The following DNM1L variants were observed in gnomAD, a reference collection of about 807,000 sequenced individuals.
The protein encoded by DNM1L is dynamin 1L.
Under a neutral mutation model 92.8 loss-of-function variants are expected in DNM1L, and 33 were observed. That is an observed-to-expected ratio of 0.36 (90% CI 0.27 to 0.48). The LOEUF is 0.48. DNM1L is among the 20% of genes least tolerant of loss of function. DNM1L has a pLI of 0.99. For missense variants in DNM1L, 485 were observed against 888.8 expected (o/e 0.55, Z 5.78); for synonymous variants, 284 against 305.0 (o/e 0.93, Z 0.72).
At chr12:32,718,028 A>G (rs1209813871) in intron 6 of DNM1L, among the ~76,000 whole-genome samples, 3 of 125,248 alleles carry the variant, frequency 2.4e-5, no homozygotes, top group Non-Finnish European at 3.2e-5. Flanking sequence ...TATATTATAA[A>G]TATATACTAT....
intron 5 of DNM1L, among the ~76,000 whole-genome samples, chr12:32,712,127 T>A (rs980190232): frequency 7.9e-5 from 12 of 152,242 alleles, no homozygotes; most frequent in Admixed American, 5.9e-4. Flanking sequence ...CCTTGTGATC[T>A]CATCTTAGTA....
intron 9 of DNM1L, among the ~76,000 whole-genome samples, chr12:32,724,590 AAAAATATATATAT>A (rs1158906357): frequency 6.9e-5 from 4 of 58,210 alleles, no homozygotes; most frequent in East Asian, 5.4e-4. Context: ...AAAAAAAAAA[AAAAATATATATAT>A]ATATATATAT....
Position 32,707,401 on chromosome 12 carries a change from C to T in DNM1L, c.285C>T (p.His95=), listed in dbSNP as rs374173514. ...CAGAAGAATGGGGTAAATTTCTTCA[C>T]ACCAAAAATAAGGTAATCACACATG... ...VEAEEWGKFL[H]TKNKLYTDFD... Residue 95 remains histidine, a synonymous_variant, in exon 3 of 20, where the codon CAC becomes CAT. Transcript: ENST00000549701. 40 of 1,603,612 alleles carry T rather than the reference C, an allele frequency of 2.5e-5. No individual in the cohort carries two copies. In the African/African-American group the frequency reaches 5.0e-4, roughly 20 times the overall value.
intron 9 of DNM1L, among the ~76,000 whole-genome samples, chr12:32,729,342 A>G (rs1954386482): frequency 6.6e-6 from 1 of 151,850 alleles, no homozygotes; most frequent in South Asian, 2.1e-4. Flanking sequence ...CGGCCTCCCA[A>G]AGTGCTGGGA....
chr12:32,734,855 T>C (rs79341813), intron 13 of DNM1L, among the ~76,000 whole-genome samples: 1,553 of 152,292 alleles, frequency 0.01, 34 homozygotes, highest in African/African-American at 0.034. Context: ...CAGTTATTCC[T>C]TTGGTGCTTA....
rs17541634 is a variant in DNM1L at position 32,745,309 on chromosome 12, C to T, written c.*1899C>T. The T allele has an allele frequency of 0.022, 4,935 of 220,226 alleles. 77 individuals are homozygous for T. Among genetic ancestry groups the T allele is most frequent in the South Asian group, 0.028 (424 of 15,168 alleles). The allele number at this position is 220,226 out of a possible 1,614,324, so 13.6% of individuals were successfully genotyped here. A position where few individuals can be genotyped will look rare whatever the true frequency, so the allele number is the denominator to read the frequency against. On this transcript the variant is annotated 3_prime_UTR_variant, in exon 20 of 20. Transcript: ENST00000549701. ...GAAAAAAAACAAAAACAAAAACTTA[C>T]GATGCACTTTTCTCCAGCACATCAG...
At chr12:32,706,986 A>G (rs1952953373) in intron 2 of DNM1L, 1 of 216,278 alleles carries the variant, frequency 4.6e-6, no homozygotes, top group Non-Finnish European at 9.2e-6. Context: ...TTTTCGTCAG[A>G]AAACTGCTTT....
chr12:32,717,418 A>ATAGTATATAT (rs1953499292), intron 6 of DNM1L, among the ~76,000 whole-genome samples: 7 of 42,418 alleles, frequency 1.7e-4, no homozygotes, highest in African/African-American at 2.4e-4. Flanking sequence ...TATATATTTT[A>ATAGTATATAT]AATATATACT....
At chr12:32,681,259 T>C (rs1181617515) in intron 1 of DNM1L, among the ~76,000 whole-genome samples, 2 of 152,196 alleles carry the variant, frequency 1.3e-5, no homozygotes, top group Non-Finnish European at 1.5e-5. Flanking sequence ...TAAGTTCTTA[T>C]TAGCTGATAA....
chr12:32,696,681 A>C (rs1229039662), intron 1 of DNM1L, among the ~76,000 whole-genome samples: 1 of 148,892 alleles, frequency 6.7e-6, no homozygotes, highest in Non-Finnish European at 1.5e-5. Context: ...ATGGCGTGCA[A>C]TGGCGTGATC....
intron 12 of DNM1L, chr12:32,733,371 AT>A: frequency 4.0e-6 from 1 of 247,512 alleles, no homozygotes; most frequent in South Asian, 5.4e-5. Context: ...ATAGTGGATG[AT>A]CTGAAGTTTT....
intron 1 of DNM1L, among the ~76,000 whole-genome samples, chr12:32,698,773 G>A (rs992905228): frequency 6.6e-6 from 1 of 152,076 alleles, no homozygotes; most frequent in South Asian, 2.1e-4. Context: ...GGTTTATATA[G>A]TACTTGATTA....
rs1423778983 is a variant in DNM1L, at chr12:32,738,077, A to G, written c.1674+135A>G. The G allele has an allele frequency of 5.5e-6, 6 of 1,086,260 alleles. No individual in the cohort carries two copies. The African/African-American group carries it at 6.4e-5, about 12-fold the overall frequency. 67.3% of individuals were successfully genotyped at this position (1,086,260 alleles called of 1,614,324 possible). A position where few individuals can be genotyped will look rare whatever the true frequency, so the allele number is the denominator to read the frequency against. Reference sequence around the variant, plus strand: ...AGGTCAGATCACTTTAGTCTAATATATATTTTAAAATTATATAACAATGCA... The same window carrying G: ...AGGTCAGATCACTTTAGTCTAATATGTATTTTAAAATTATATAACAATGCA... On this transcript the variant is annotated intron_variant, in intron 15 of 19. Transcript: ENST00000549701.
At chr12:32,691,730 G>A (rs576267613) in intron 1 of DNM1L, among the ~76,000 whole-genome samples, 21 of 149,866 alleles carry the variant, frequency 1.4e-4, no homozygotes, top group African/African-American at 5.0e-4. Flanking sequence ...AGAGATTGAA[G>A]GTGAGTGCTA....
intron 9 of DNM1L, among the ~76,000 whole-genome samples, chr12:32,724,366 G>A (rs1343446753): frequency 2.0e-5 from 3 of 151,392 alleles, no homozygotes; most frequent in African/African-American, 7.3e-5. Context: ...TTACGAGGTC[G>A]AGAGATCAAG....
intron 14 of DNM1L, 64 bp from the exon 15 acceptor site, chr12:32,737,801 G>C (rs1219950668): frequency 8.4e-7 from 1 of 1,191,722 alleles, no homozygotes; most frequent in Non-Finnish European, 1.3e-6. Flanking sequence ...TTCATTTATA[G>C]AATGTTCCTG....
chr12:32,711,436 C>T (rs369640600), intron 5 of DNM1L, among the ~76,000 whole-genome samples: 4 of 151,976 alleles, frequency 2.6e-5, no homozygotes, highest in African/African-American at 9.7e-5. Flanking sequence ...TCGACATATA[C>T]ACTTAAATGT....
intron 1 of DNM1L, chr12:32,679,886 T>A: frequency 1.0e-6 from 1 of 989,438 alleles, no homozygotes; most frequent in Non-Finnish European, 1.2e-6. Context: ...TTCCCATCAC[T>A]GTTGGCTTTC....
intron 1 of DNM1L, chr12:32,680,102 G>T: frequency 1.3e-6 from 1 of 794,048 alleles, no homozygotes; most frequent in Non-Finnish European, 1.5e-6. Flanking sequence ...GCGGGTGTTG[G>T]GAAGGAATAT....
Sources: gnomAD v4.1 joint callset for allele counts (sites outside exome capture counted in the v4.1 genomes callset) on GRCh38, gnomAD v4.1.1 for gene constraint, MANE v1.5 for transcripts, NCBI Gene and HGNC (gene_info 2026-07-23, HGNC 2026-07-21) for gene names.